The following SLC35F3 variants were observed in gnomAD, a reference collection of about 807,000 sequenced individuals.
The protein encoded by SLC35F3 is putative thiamine transporter SLC35F3.
SLC35F3 carries 25 observed loss-of-function variants against 49.9 expected under a neutral mutation model. The ratio of observed to expected loss-of-function variants is 0.50; its 90% confidence interval spans 0.37 to 0.70. The LOEUF is 0.70. Ranked by LOEUF, SLC35F3 falls within the 30% of genes least tolerant of loss-of-function variation. The pLI, the probability that SLC35F3 is intolerant of heterozygous loss-of-function variation, is 0.00. For missense variants in SLC35F3, 525 were observed against 639.8 expected (o/e 0.82, Z 1.94); for synonymous variants, 275 against 265.4 (o/e 1.04, Z -0.35).
chr1:233,913,679 T>A, intron 2 of SLC35F3, among the ~76,000 whole-genome samples: 1 of 152,228 alleles, frequency 6.6e-6, no homozygotes, highest in East Asian at 1.9e-4. Context: ...TAAGTAAGCA[T>A]CTACATTTCT....
intron 2 of SLC35F3, among the ~76,000 whole-genome samples, chr1:234,167,919 C>T (rs1666343059): frequency 6.6e-6 from 1 of 152,166 alleles, no homozygotes; most frequent in African/African-American, 2.4e-5. Context: ...CTGGAATAAG[C>T]GAGATTGTGA....
At chr1:234,145,610 A>G (rs993411643) in intron 2 of SLC35F3, among the ~76,000 whole-genome samples, 1 of 152,132 alleles carries the variant, frequency 6.6e-6, no homozygotes, top group African/African-American at 2.4e-5. Context: ...TTGAACCTGT[A>G]TAGACTTTTT....
intron 2 of SLC35F3, among the ~76,000 whole-genome samples, chr1:234,125,103 C>T (rs1665627690): frequency 6.6e-6 from 1 of 151,438 alleles, no homozygotes; most frequent in South Asian, 2.1e-4. Flanking sequence ...CAGTGTGGCT[C>T]CTTTGTGTCA....
At chr1:234,235,658 T>C (rs1329780774) in intron 3 of SLC35F3, among the ~76,000 whole-genome samples, 1 of 152,218 alleles carries the variant, frequency 6.6e-6, no homozygotes, top group Non-Finnish European at 1.5e-5. Flanking sequence ...TCTGCTATCA[T>C]GCAGCTGCCA....
At chr1:234,035,295 G>T (rs987961702) in intron 2 of SLC35F3, among the ~76,000 whole-genome samples, 28 of 152,218 alleles carry the variant, frequency 1.8e-4, no homozygotes, top group Non-Finnish European at 2.9e-4. Flanking sequence ...TGATCCTAGA[G>T]AATTTTAAAG....
In SLC35F3 at chr1:234,096,184, T is replaced by G. The variant is rs567843136; in HGVS notation, c.284-135233T>G. ...CTCCCCTCAGTGTCCTTTCCACGAC[T>G]TGTAGTGTCCAGGGTTTTCCTGTAC... On this transcript the variant is annotated intron_variant, in intron 2 of 7. Coordinates refer to ENST00000366618, the MANE Select transcript of SLC35F3 (RefSeq NM_173508.4). 2.6e-5 allele frequency among the ~76,000 whole-genome samples: 4 copies of G among 152,356 alleles called. No individual in the cohort carries two copies. The East Asian group carries it at 5.8e-4, about 22-fold the overall frequency.
chr1:234,319,663 T>G (rs563873678), intron 6 of SLC35F3, among the ~76,000 whole-genome samples: 1 of 152,254 alleles, frequency 6.6e-6, no homozygotes, highest in Non-Finnish European at 1.5e-5. Flanking sequence ...ATTGCACCAC[T>G]GTGCACCACA....
intron 3 of SLC35F3, 139 bp from the exon 4 acceptor site, chr1:234,308,962 G>T (rs1657278508): frequency 1.6e-6 from 1 of 635,528 alleles, no homozygotes; most frequent in Non-Finnish European, 2.7e-6. Flanking sequence ...TTAATAGAAA[G>T]ATGTTTATTA....
At chr1:234,143,416 G>T (rs886444907) in intron 2 of SLC35F3, among the ~76,000 whole-genome samples, 1 of 151,428 alleles carries the variant, frequency 6.6e-6, no homozygotes, top group South Asian at 2.1e-4. Flanking sequence ...AGCCTCCCAA[G>T]TAGCTGGGAT....
At chr1:234,298,992 G>T (rs1243740855) in intron 3 of SLC35F3, among the ~76,000 whole-genome samples, 1 of 152,192 alleles carries the variant, frequency 6.6e-6, no homozygotes, top group Non-Finnish European at 1.5e-5. Context: ...CACATTGTGT[G>T]TCATAGAAGC....
At chr1:234,282,253 G>A (rs1408474752) in intron 3 of SLC35F3, among the ~76,000 whole-genome samples, 2 of 152,212 alleles carry the variant, frequency 1.3e-5, no homozygotes, top group Non-Finnish European at 2.9e-5. Context: ...TCTATTGCCA[G>A]CCAGGACTAG....
At chr1:234,093,007 C>T (rs564717622) in intron 2 of SLC35F3, among the ~76,000 whole-genome samples, 218 of 152,350 alleles carry the variant, frequency 1.4e-3, no homozygotes, top group African/African-American at 5.0e-3. Context: ...ATCCTATAGG[C>T]ACGAAGTGGG....
At chr1:234,293,658 A>C (rs547156032) in intron 3 of SLC35F3, among the ~76,000 whole-genome samples, 2 of 76,358 alleles carry the variant, frequency 2.6e-5, no homozygotes, top group African/African-American at 1.1e-4. Flanking sequence ...AGAGAGAAAG[A>C]GAGACAGACA....
At chr1:234,147,300 C>A (rs1056402276) in intron 2 of SLC35F3, among the ~76,000 whole-genome samples, 1 of 144,484 alleles carries the variant, frequency 6.9e-6, no homozygotes, top group Non-Finnish European at 1.5e-5. Context: ...TCCCTCACAT[C>A]TCTTAGCTTT....
intron 2 of SLC35F3, among the ~76,000 whole-genome samples, chr1:234,093,685 G>A (rs1447439903): frequency 6.6e-6 from 1 of 152,238 alleles, no homozygotes; most frequent in Non-Finnish European, 1.5e-5. Context: ...TGGAAAGTCT[G>A]TTTGTGCAGC....
chr1:233,999,047 C>T (rs2102831356), intron 2 of SLC35F3, among the ~76,000 whole-genome samples: 1 of 152,226 alleles, frequency 6.6e-6, no homozygotes, highest in South Asian at 2.1e-4. Context: ...TGTCAGAGTT[C>T]TCATTTTTCC....
At chr1:234,149,093 G>A (rs1340986950) in intron 2 of SLC35F3, among the ~76,000 whole-genome samples, 6 of 152,220 alleles carry the variant, frequency 3.9e-5, no homozygotes, top group African/African-American at 1.2e-4. Context: ...GAACACACAT[G>A]TAGGAGTCAT....
chr1:233,932,151 TG>T (rs1553288060), intron 2 of SLC35F3, among the ~76,000 whole-genome samples: 1 of 150,104 alleles, frequency 6.7e-6, no homozygotes, highest in Non-Finnish European at 1.5e-5. Flanking sequence ...TGTCTGGGGG[TG>T]GGGGGCTAGG....
At chr1:234,273,330 C>T (rs1479645191) in intron 3 of SLC35F3, among the ~76,000 whole-genome samples, 1 of 152,222 alleles carries the variant, frequency 6.6e-6, no homozygotes, top group African/African-American at 2.4e-5. Context: ...TTATTGATGA[C>T]TGCCCAGAAG....
Sources: allele counts gnomAD v4.1 joint callset (sites outside exome capture counted in the v4.1 genomes callset), GRCh38; gene constraint gnomAD v4.1.1; transcripts MANE v1.5; gene names NCBI Gene and HGNC (gene_info 2026-07-23, HGNC 2026-07-21).